Variants in HNRNPDL observed in about 807,000 individuals in gnomAD.
HNRNPDL encodes heterogeneous nuclear ribonucleoprotein D-like.
A neutral mutation model predicts 48.0 loss-of-function variants in HNRNPDL; 18 were observed. That is an observed-to-expected ratio of 0.38 (90% CI 0.26 to 0.56). The LOEUF (loss-of-function observed/expected upper bound fraction) is 0.56. Ranked by LOEUF, HNRNPDL falls within the 20% of genes least tolerant of loss-of-function variation. The pLI is 0.77. For synonymous variants in HNRNPDL, 306 were observed against 207.3 expected, an observed-to-expected ratio of 1.48 and a Z score of -4.09; for missense variants, 553 against 540.7, an observed-to-expected ratio of 1.02 and a Z score of -0.23.
In HNRNPDL at chr4:82,423,774, C is replaced by T. The variant is rs752870536; in HGVS notation, c.*1132G>A. 1.3e-5 allele frequency: 2 copies of T among 151,250 alleles called. No individual in the cohort carries two copies. The highest frequency in any genetic ancestry group is 2.9e-5 in the Non-Finnish European group (2 of 68,038). The allele number at this position is 151,250 out of a possible 1,614,324, so 9.4% of individuals were successfully genotyped here. A position where few individuals can be genotyped will look rare whatever the true frequency, so the allele number is the denominator to read the frequency against. On this transcript the variant is annotated 3_prime_UTR_variant, in exon 8 of 8. Coordinates refer to ENST00000295470, the MANE Select transcript of HNRNPDL (RefSeq NM_031372.4). ...GCACCCAGAGGGTCCACTGTAATGA[C>T]TCAGTCACATTTGTAATGACTTAGT...
chr4:82,423,068 CAAAT>C lies in HNRNPDL; in HGVS notation c.*1834_*1837del, dbSNP rs1721253390. On this transcript the variant is annotated 3_prime_UTR_variant, in exon 8 of 8. Coordinates refer to ENST00000295470, the MANE Select transcript of HNRNPDL (RefSeq NM_031372.4). ...TGAATTAAATCTAGAGTTCAAAGCC[CAAAT>C]CTAGAGTTCAAAGCCCCTGCAAGAA... 2.0e-4 allele frequency: 1 copy of C among 5,062 alleles called. No individual in the cohort carries two copies. Among genetic ancestry groups the C allele is most frequent in the African/African-American group, 2.5e-4 (1 of 3,988 alleles). 0.3% of individuals were successfully genotyped at this position (5,062 alleles called of 1,614,324 possible).
rs1334062704 is a variant in HNRNPDL at position 82,423,146 on chromosome 4, T to A, written c.*1760A>T. On this transcript the variant is annotated 3_prime_UTR_variant, in exon 8 of 8. Coordinates refer to ENST00000295470, the MANE Select transcript of HNRNPDL (RefSeq NM_031372.4). Reference sequence around the variant, plus strand: ...AATTCTTTGCAAAACATCTCAATCATCTCTAGATGTAGTGTATTTTTTCTC... The same window carrying A: ...AATTCTTTGCAAAACATCTCAATCAACTCTAGATGTAGTGTATTTTTTCTC... The A allele has an allele frequency of 6.6e-6, 1 of 152,210 alleles. No individual in the cohort carries two copies. Among genetic ancestry groups the A allele is most frequent in the African/African-American group, 2.4e-5 (1 of 41,448 alleles). The allele number at this position is 152,210 out of a possible 1,614,324, so 9.4% of individuals were successfully genotyped here. A position where few individuals can be genotyped will look rare whatever the true frequency, so the allele number is the denominator to read the frequency against.
chr4:82,425,773 T>C, intron 7 of HNRNPDL: 1 of 389,164 alleles, frequency 2.6e-6, no homozygotes, highest in East Asian at 4.3e-5. Flanking sequence ...TTCTAAAATG[T>C]TTAATTATTC....
In HNRNPDL at chr4:82,427,546, G is replaced by C. The variant is rs1337176593; in HGVS notation, c.793C>G (p.Pro265Ala). 1 of 1,609,112 alleles carries C rather than the reference G, an allele frequency of 6.2e-7. No homozygotes were observed. Among genetic ancestry groups the C allele is most frequent in the East Asian group, 2.2e-5 (1 of 44,832 alleles). ...AFGEIENIEL[P>A]MDTKTNERRG... ...CTTTCATTTGTTTTTGTATCCATGG[G>C]AAGTTCAATATTTTCAATCTGAAAT... The change falls in exon 4 of 8, where the codon CCC (proline) becomes GCC (alanine). Residue 265 changes from proline (P) to alanine (A), a missense_variant. Around this residue, in one of 4 missense-constraint regions of HNRNPDL, gnomAD observed 174 missense variants for 204.6 expected, o/e 0.85. Transcript: ENST00000295470.
Position 82,429,604 on chromosome 4 carries a change from A to G in HNRNPDL, c.87T>C (p.His29=). The part of the protein sequence containing the change: ...PATLASRSLS[H]WRPRPPRQLA... ...GCTGCCGCGGCGGCCGCGGCCGCCA[A>G]TGGGAGAGGCTGCGGGAGGCTAAAG... Residue 29 remains histidine (H), a synonymous_variant, in exon 1 of 8, where the codon CAT becomes CAC. Transcript: ENST00000295470. 1 of 1,372,970 alleles carries G rather than the reference A, an allele frequency of 7.3e-7. No homozygotes were observed. Among genetic ancestry groups the G allele is most frequent in the South Asian group, 1.7e-5 (1 of 58,584 alleles). 85.0% of individuals were successfully genotyped at this position (1,372,970 alleles called of 1,614,324 possible). A position where few individuals can be genotyped will look rare whatever the true frequency, so the allele number is the denominator to read the frequency against.
chr4:82,426,113 A>G lies in HNRNPDL; in HGVS notation c.1209T>C (p.Tyr403=), dbSNP rs79373393. The G allele has an allele frequency of 0.027, 43,257 of 1,613,486 alleles. 661 individuals carry two copies. The highest frequency in any genetic ancestry group is 0.034 in the Middle Eastern group (208 of 6,050). Residue 403 remains tyrosine (Y), a synonymous_variant, in exon 7 of 8, where the codon TAT becomes TAC. Transcript: ENST00000295470. ...YADYSGQQST[Y]GKASRGGGNH... is the part of the protein sequence containing the mutation. ...TGCCACCCCCTCGAGATGCCTTGCC[A>G]TAAGTGCTCTGTTGGCCTATTTTGA...
Position 82,429,426 on chromosome 4 carries a change from G to T in HNRNPDL, c.265C>A (p.His89Asn), listed in dbSNP as rs893474419. Residue 89 changes from histidine to asparagine, a missense_variant, in exon 1 of 8, where the codon CAT becomes AAT. Coordinates refer to ENST00000295470, the MANE Select transcript of HNRNPDL (RefSeq NM_031372.4). ...RRRRPDLFRRHFKSSSIQRSA... is the reference protein window; with the variant it reads ...RRRRPDLFRRNFKSSSIQRSA... ...CGTTGTATGGAGCTGGATTTAAAAT[G>T]GCGGCGGAAGAGATCCGGGCGCCGC... The T allele has an allele frequency of 1.2e-6, 2 of 1,612,518 alleles. No individual in the cohort carries two copies. Among genetic ancestry groups the T allele is most frequent in the African/African-American group, 1.3e-5 (1 of 74,812 alleles).
At chr4:82,428,554 G>A (rs1721517033) in intron 1 of HNRNPDL, 108 bp from the exon 2 acceptor site, 3 of 832,006 alleles carry the variant, frequency 3.6e-6, no homozygotes, top group East Asian at 2.7e-5. Flanking sequence ...CCTAAGTGTA[G>A]GCAATTTAAT....
chr4:82,426,265 C>A lies in HNRNPDL; in HGVS notation c.1193-136G>T, dbSNP rs548547244. 27 of 881,810 alleles carry A rather than the reference C, an allele frequency of 3.1e-5. No homozygotes were observed. The South Asian group carries it at 3.6e-4, about 12-fold the overall frequency. 54.6% of individuals were successfully genotyped at this position (881,810 alleles called of 1,614,324 possible). On this transcript the variant is annotated intron_variant, in intron 6 of 7. Coordinates refer to ENST00000295470, the MANE Select transcript of HNRNPDL (RefSeq NM_031372.4). ...ATATTTTAGCACCCATTAGATGCTA[C>A]TCATAAATCATACATCCTAGTTCAT...
Position 82,427,745 on chromosome 4 carries a change from T to C in HNRNPDL, c.775-181A>G, listed in dbSNP as rs2516818. Among the ~76,000 whole-genome samples, 113,628 of 152,222 alleles carry C rather than the reference T, an allele frequency of 0.75. 45,359 individuals carry two copies. The highest frequency in any genetic ancestry group is 0.92 in the East Asian group (4,763 of 5,184). On this transcript the variant is annotated intron_variant, in intron 3 of 7. Coordinates refer to ENST00000295470, the MANE Select transcript of HNRNPDL (RefSeq NM_031372.4). ...AGTGATTTGTTGTATATTTGAAGCA[T>C]TGAGAGAAATTAATATTATTTTGTA...
In HNRNPDL at chr4:82,427,224, A is replaced by G; in HGVS notation, c.987T>C (p.Ala329=). The G allele has an allele frequency of 6.2e-7, 1 of 1,613,838 alleles. No homozygotes were observed. The part of the protein sequence containing the change: ...QQQKGGRGAA[A]GGRGGTRGRG... ...GACCCCTCGTACCACCTCGTCCACCAGCTGCAGCACCTCTTCCACCTTTTT... is the reference window on the plus strand; with the variant it reads ...GACCCCTCGTACCACCTCGTCCACCGGCTGCAGCACCTCTTCCACCTTTTT... Residue 329 remains alanine, a synonymous_variant, in exon 5 of 8, where the codon GCT becomes GCC. Coordinates refer to ENST00000295470, the MANE Select transcript of HNRNPDL (RefSeq NM_031372.4).
At chr4:82,428,702 C>T (rs907093116) in intron 1 of HNRNPDL, among the ~76,000 whole-genome samples, 1 of 152,200 alleles carries the variant, frequency 6.6e-6, no homozygotes, top group Non-Finnish European at 1.5e-5. Context: ...AAGGTTCTGC[C>T]CAGATTCCTT....
At chr4:82,428,920 G>C (rs996701808) in intron 1 of HNRNPDL, among the ~76,000 whole-genome samples, 1 of 152,352 alleles carries the variant, frequency 6.6e-6, no homozygotes, top group East Asian at 1.9e-4. Flanking sequence ...TGGTAACAGA[G>C]ACACAATGAA....
Position 82,429,523 on chromosome 4 carries a change from C to T in HNRNPDL, c.168G>A (p.Arg56=). The T allele has an allele frequency of 2.7e-6, 4 of 1,492,172 alleles. No individual in the cohort carries two copies. The highest frequency in any genetic ancestry group is 2.6e-5 in the East Asian group (1 of 38,138). 92.4% of individuals were successfully genotyped at this position (1,492,172 alleles called of 1,614,324 possible). A position where few individuals can be genotyped will look rare whatever the true frequency, so the allele number is the denominator to read the frequency against. Residue 56 remains arginine, a synonymous_variant, in exon 1 of 8, where the codon CGG becomes CGA. Transcript: ENST00000295470. ...GCTGGGCGGTGACGTGGCGCTGGGC[C>T]CGGCGCGCCCCCTGCCGGGCGGAGC... ...APSSARQGAR[R]AQRHVTAQQP...
intron 1 of HNRNPDL, 32 bp from the exon 2 acceptor site, chr4:82,428,478 A>G (rs957309638): frequency 4.0e-6 from 6 of 1,512,066 alleles, no homozygotes; most frequent in Non-Finnish European, 5.4e-6. Context: ...AAAAAAATTA[A>G]CAATAACTCA....
chr4:82,427,659 G>T (rs992968365), intron 3 of HNRNPDL, 95 bp from the exon 4 acceptor site: 2 of 1,145,638 alleles, frequency 1.7e-6, no homozygotes, highest in African/African-American at 3.1e-5. Context: ...ACTTAAACAT[G>T]TTATTCTTAT....
Position 82,426,077 on chromosome 4 carries a change from G to A in HNRNPDL, c.1245C>T (p.Asn415=). The A allele has an allele frequency of 6.2e-6, 10 of 1,613,362 alleles. No individual in the cohort carries two copies. Among genetic ancestry groups the A allele is most frequent in the Non-Finnish European group, 8.5e-6 (10 of 1,179,478 alleles). The change falls in exon 7 of 8, where the codon AAC becomes AAT. Residue 415 remains asparagine (N), a synonymous_variant. Transcript: ENST00000295470. Reference sequence around the variant, plus strand: ...TTCTCCTTTAGTATGGCTGGTAATTGTTTTGGTGATTGCCACCCCCTCGAG... The same window carrying A: ...TTCTCCTTTAGTATGGCTGGTAATTATTTTGGTGATTGCCACCCCCTCGAG... ...KASRGGGNHQ[N]NYQPY
chr4:82,427,070 G>GT lies in HNRNPDL; in HGVS notation c.1021+119dup. 3.8e-6 allele frequency: 3 copies of GT among 783,032 alleles called. No individual in the cohort carries two copies. The South Asian group carries it at 4.4e-5, about 11-fold the overall frequency. The allele number at this position is 783,032 out of a possible 1,614,324, so 48.5% of individuals were successfully genotyped here. A position where few individuals can be genotyped will look rare whatever the true frequency, so the allele number is the denominator to read the frequency against. ...CACACAACCTCCACTAAGCTGAACA[G>GT]TCCCCCCTCCGCTGGAATGGTTTTA... On this transcript the variant is annotated intron_variant, in intron 5 of 7. Coordinates refer to ENST00000295470, the MANE Select transcript of HNRNPDL (RefSeq NM_031372.4).
chr4:82,428,403 CT>C lies in HNRNPDL; in HGVS notation c.486del (p.Asp163IlefsTer2). ...AATCGAGACAAGTACTCTGTCAGAT[CT>C]TTTTTGCTTGTATCCCAGCTCAAGC... The part of the protein sequence containing the change: ...IGGLSWDTSK[K>X]DLTEYLSRFG... On this transcript the variant is annotated frameshift_variant, in exon 2 of 8. Transcript: ENST00000295470. LOFTEE classifies it high-confidence loss of function. The C allele has an allele frequency of 6.2e-7, 1 of 1,612,412 alleles. No individual in the cohort carries two copies. The highest frequency in any genetic ancestry group is 8.5e-7 in the Non-Finnish European group (1 of 1,178,656).
Sources: gnomAD v4.1 joint callset for allele counts (sites outside exome capture counted in the v4.1 genomes callset) on GRCh38, gnomAD v4.1.1 for gene constraint, gnomAD v4.1.1 regional missense constraint, MANE v1.5 for transcripts, NCBI Gene and HGNC (gene_info 2026-07-23, HGNC 2026-07-21) for gene names.